EEFSEC: variants seen among roughly 807,000 people sequenced by gnomAD.
EEFSEC encodes the protein eukaryotic elongation factor, selenocysteine-tRNA specific, also known as selenocysteine-specific elongation factor.
In EEFSEC, 43 loss-of-function variants were observed where a neutral mutation model predicts 42.1. The observed-to-expected ratio is 1.02, with a 90% CI of 0.80 to 1.32. The LOEUF is 1.32. Ranked by LOEUF, EEFSEC falls within the 40% of genes most tolerant of loss-of-function variation. The pLI is 0.00. For missense variants in EEFSEC, 745 were observed against 803.6 expected (o/e 0.93, Z 0.88); for synonymous variants, 354 against 339.1 (o/e 1.04, Z -0.48).
downstream of EEFSEC, among the ~76,000 whole-genome samples, chr3:128,413,007 T>C (rs1050637494): frequency 2.6e-5 from 4 of 152,034 alleles, no homozygotes; most frequent in African/African-American, 7.2e-5. Context: ...TGGTGTCCAG[T>C]TGGGGTTTCA....
chr3:128,167,927 TG>T (rs1418684569), intron 1 of EEFSEC, among the ~76,000 whole-genome samples: 2 of 152,246 alleles, frequency 1.3e-5, no homozygotes, highest in African/African-American at 4.8e-5. Context: ...TGAACAAAGT[TG>T]TACTTTGGTA....
intron 2 of EEFSEC, among the ~76,000 whole-genome samples, chr3:128,257,725 T>C (rs564968612): frequency 6.6e-6 from 1 of 152,332 alleles, no homozygotes; most frequent in South Asian, 2.1e-4. Flanking sequence ...CAGTGAAGCT[T>C]ATAACGGGCA....
intron 1 of EEFSEC, among the ~76,000 whole-genome samples, chr3:128,232,837 A>G (rs1013852730): frequency 2.0e-5 from 3 of 152,230 alleles, no homozygotes; most frequent in African/African-American, 7.2e-5. Context: ...GTGGCCCTAC[A>G]GAGCCCTCAT....
intron 4 of EEFSEC, among the ~76,000 whole-genome samples, chr3:128,327,421 A>G (rs1009388883): frequency 6.6e-6 from 1 of 152,054 alleles, no homozygotes; most frequent in African/African-American, 2.4e-5. Context: ...ATGAAATATG[A>G]ATACACATCA....
At chr3:128,291,119 T>A (rs2066639898) in intron 4 of EEFSEC, among the ~76,000 whole-genome samples, 1 of 152,218 alleles carries the variant, frequency 6.6e-6, no homozygotes, top group African/African-American at 2.4e-5. Context: ...CTAAGTATTT[T>A]TTTTTTACTT....
intron 6 of EEFSEC, among the ~76,000 whole-genome samples, chr3:128,372,268 G>A (rs1426512632): frequency 2.0e-5 from 3 of 152,196 alleles, no homozygotes; most frequent in African/African-American, 7.2e-5. Flanking sequence ...CTGAGAGAAA[G>A]TTCCAGAAAT....
At chr3:128,267,472 G>A (rs2066366934) in intron 4 of EEFSEC, among the ~76,000 whole-genome samples, 1 of 152,208 alleles carries the variant, frequency 6.6e-6, no homozygotes, top group Non-Finnish European at 1.5e-5. Context: ...AGCAGAACTT[G>A]TAAGCAATGT....
chr3:128,173,662 C>G (rs1559854079), intron 1 of EEFSEC, among the ~76,000 whole-genome samples: 1 of 152,146 alleles, frequency 6.6e-6, no homozygotes, highest in Non-Finnish European at 1.5e-5. Context: ...CTTATCGGTT[C>G]CCCTACTGAA....
intron 4 of EEFSEC, among the ~76,000 whole-genome samples, chr3:128,296,405 C>T (rs2066706672): frequency 6.6e-6 from 1 of 152,146 alleles, no homozygotes; most frequent in African/African-American, 2.4e-5. Context: ...TTCTTGTCTC[C>T]TCTTTCCCTT....
chr3:128,292,792 C>G (rs1013264696), intron 4 of EEFSEC, among the ~76,000 whole-genome samples: 2 of 151,436 alleles, frequency 1.3e-5, no homozygotes, highest in Non-Finnish European at 2.9e-5. Context: ...TTCTTGTTTT[C>G]TATTCCATTG....
chr3:128,396,094 C>A (rs547627896), intron 6 of EEFSEC, among the ~76,000 whole-genome samples: 3 of 152,192 alleles, frequency 2.0e-5, no homozygotes, highest in African/African-American at 7.2e-5. Context: ...TCCAACCAAA[C>A]AGAACCTGCT....
chr3:128,404,865 C>T (rs939129879), intron 6 of EEFSEC, among the ~76,000 whole-genome samples: 2 of 152,190 alleles, frequency 1.3e-5, no homozygotes, highest in Non-Finnish European at 2.9e-5. Flanking sequence ...TTCATATCAG[C>T]TGCATGTCCT....
chr3:128,267,177 G>A (rs1487943596), intron 4 of EEFSEC, among the ~76,000 whole-genome samples: 2 of 152,146 alleles, frequency 1.3e-5, no homozygotes, highest in African/African-American at 4.8e-5. Flanking sequence ...TTAGGGCTGA[G>A]GGCATGGAGA....
chr3:128,218,955 G>A (rs2065836643), intron 1 of EEFSEC, among the ~76,000 whole-genome samples: 1 of 152,212 alleles, frequency 6.6e-6, no homozygotes, highest in Non-Finnish European at 1.5e-5. Flanking sequence ...GTGGGGCACT[G>A]TGCTCTGTAC....
At chr3:128,338,403 A>G (rs1415704080) in intron 4 of EEFSEC, among the ~76,000 whole-genome samples, 2 of 152,176 alleles carry the variant, frequency 1.3e-5, no homozygotes, top group African/African-American at 4.8e-5. Flanking sequence ...TGTTTCGTAT[A>G]TAATTTAAAT....
At chr3:128,391,989 G>A (rs776212048) in intron 6 of EEFSEC, among the ~76,000 whole-genome samples, 4 of 152,204 alleles carry the variant, frequency 2.6e-5, no homozygotes, top group South Asian at 2.1e-4. Flanking sequence ...TGCCCCAGCC[G>A]TGGCTTCCCT....
chr3:128,210,287 GGTAGTTGGCAGAGAGGCAGATTGA>G (rs1475862114), intron 1 of EEFSEC, among the ~76,000 whole-genome samples: 1 of 152,216 alleles, frequency 6.6e-6, no homozygotes, highest in East Asian at 1.9e-4. Flanking sequence ...GACTGAGGTT[GGTAGTTGGCAGAGAGGCAGATTGA>G]GTAGTTGGCA....
intron 1 of EEFSEC, among the ~76,000 whole-genome samples, chr3:128,237,371 A>T (rs2066024049): frequency 6.6e-6 from 1 of 151,280 alleles, no homozygotes; most frequent in Non-Finnish European, 1.5e-5. Flanking sequence ...TTCTTTCAGT[A>T]CTTTTTTGGT....
chr3:128,253,869 C>T (rs899727308), intron 2 of EEFSEC, among the ~76,000 whole-genome samples: 2 of 152,182 alleles, frequency 1.3e-5, no homozygotes, highest in Non-Finnish European at 2.9e-5. Context: ...ATCATCGTGT[C>T]ACACTGACCT....
Sources: gnomAD v4.1 joint callset for allele counts (sites outside exome capture counted in the v4.1 genomes callset) on GRCh38, gnomAD v4.1.1 for gene constraint, MANE v1.5 for transcripts, NCBI Gene and HGNC (gene_info 2026-07-23, HGNC 2026-07-21) for gene names.